Variants in MROH1 observed in about 807,000 individuals in gnomAD.
The protein encoded by MROH1 is maestro heat-like repeat-containing protein family member 1.
A neutral mutation model predicts 116.5 loss-of-function variants in MROH1; 117 were observed. That is an observed-to-expected ratio of 1.00 (90% CI 0.86 to 1.17). The LOEUF (loss-of-function observed/expected upper bound fraction) is 1.17. Ranked by LOEUF, MROH1 falls within the 50% of genes most tolerant of loss-of-function variation. MROH1 has a pLI of 0.00. For synonymous variants in MROH1, 921 were observed against 583.9 expected (o/e 1.58, Z -8.32); for missense variants, 1,873 against 1,338.5 (o/e 1.40, Z -6.23).
At chr8:144,177,675 G>A (rs1292516082) in intron 4 of MROH1, among the ~76,000 whole-genome samples, 1 of 152,168 alleles carries the variant, frequency 6.6e-6, no homozygotes, top group East Asian at 1.9e-4. Flanking sequence ...TGCTGGAGGT[G>A]GGGCCTGGTG....
intron 4 of MROH1, among the ~76,000 whole-genome samples, chr8:144,169,386 C>G (rs1277299623): frequency 6.6e-6 from 1 of 151,888 alleles, no homozygotes; most frequent in South Asian, 2.1e-4. Flanking sequence ...TCTCTCCTTT[C>G]TTCCTCTGTC....
At chr8:144,218,542 T>C (rs752510651) in intron 12 of MROH1, among the ~76,000 whole-genome samples, 9 of 151,510 alleles carry the variant, frequency 5.9e-5, no homozygotes, top group Admixed American at 6.6e-5. Context: ...TGGAATTCCC[T>C]GCACCCTTTG....
At chr8:144,186,061 T>C (rs1436399645) in intron 7 of MROH1, among the ~76,000 whole-genome samples, 2 of 151,594 alleles carry the variant, frequency 1.3e-5, no homozygotes, top group Admixed American at 6.6e-5. Context: ...CAGTGGGCTC[T>C]CTCCCAGTCC....
intron 31 of MROH1, 83 bp from the exon 32 acceptor site, chr8:144,248,794 G>A (rs1410681770): frequency 3.3e-5 from 24 of 729,366 alleles, no homozygotes; most frequent in Middle Eastern, 2.9e-4. Flanking sequence ...GCCCTAACGC[G>A]AGCCCCTGAG....
chr8:144,232,975 C>T (rs1839234124), intron 14 of MROH1, among the ~76,000 whole-genome samples: 2 of 151,814 alleles, frequency 1.3e-5, no homozygotes, highest in Non-Finnish European at 2.9e-5. Flanking sequence ...CACAGGTGGG[C>T]ACCACCACAC....
chr8:144,179,787 C>T (rs987790922), intron 5 of MROH1, among the ~76,000 whole-genome samples: 1 of 152,188 alleles, frequency 6.6e-6, no homozygotes, highest in African/African-American at 2.4e-5. Flanking sequence ...GCAACTGAAG[C>T]AGAGAGCAAG....
At chr8:144,165,588 T>G (rs1468832042) in intron 3 of MROH1, among the ~76,000 whole-genome samples, 1 of 151,942 alleles carries the variant, frequency 6.6e-6, no homozygotes, top group East Asian at 1.9e-4. Context: ...TTTGTGTGTG[T>G]TTTTGAGACT....
At chr8:144,224,738 G>T (rs542873387) in intron 14 of MROH1, among the ~76,000 whole-genome samples, 1 of 152,190 alleles carries the variant, frequency 6.6e-6, no homozygotes, top group African/African-American at 2.4e-5. Context: ...TGAGACAAGT[G>T]GGCCTTGGGG....
chr8:144,185,041 G>T (rs1483345608), intron 7 of MROH1, among the ~76,000 whole-genome samples: 1 of 152,224 alleles, frequency 6.6e-6, no homozygotes, highest in Admixed American at 6.5e-5. Flanking sequence ...CTGAGGAGGA[G>T]GGGGAGGCAG....
In MROH1 at chr8:144,178,210, C is replaced by T. The variant is rs577928820; in HGVS notation, c.169-1245C>T. ...GTGCAGTGGCGCGATCTCGGCTCTGCAACCTCTGCCTCCCGGGTTCAAGCG... is the reference window on the plus strand; with the variant it reads ...GTGCAGTGGCGCGATCTCGGCTCTGTAACCTCTGCCTCCCGGGTTCAAGCG... On this transcript the variant is annotated intron_variant, in intron 4 of 43. Transcript: ENST00000326134. Among the ~76,000 whole-genome samples, 26 of 152,034 alleles carry T rather than the reference C, an allele frequency of 1.7e-4. No homozygotes were observed. In the East Asian group the frequency reaches 4.6e-3, roughly 27 times the overall value.
chr8:144,197,652 G>A (rs927547837), intron 10 of MROH1, among the ~76,000 whole-genome samples: 2 of 149,670 alleles, frequency 1.3e-5, no homozygotes, highest in African/African-American at 4.9e-5. Context: ...AGCCAGGACG[G>A]TCTCCATCTC....
chr8:144,231,413 T>C (rs1228549602), intron 14 of MROH1, among the ~76,000 whole-genome samples: 1 of 152,166 alleles, frequency 6.6e-6, no homozygotes, highest in Admixed American at 6.6e-5. Flanking sequence ...GCCTCTGATT[T>C]AAAGTGAGAG....
intron 14 of MROH1, among the ~76,000 whole-genome samples, chr8:144,230,408 G>A (rs1381165021): frequency 6.6e-6 from 1 of 151,112 alleles, no homozygotes; most frequent in Non-Finnish European, 1.5e-5. Context: ...CTTTTCCTTT[G>A]TATTCACAAC....
At chr8:144,157,677 CT>C (rs1164415639) in intron 1 of MROH1, among the ~76,000 whole-genome samples, 17,300 of 117,934 alleles carry the variant, frequency 0.15, 1,007 homozygotes, top group African/African-American at 0.33. Flanking sequence ...TTCTTTCTTT[CT>C]TTTTTTTTTT....
Position 144,165,603 on chromosome 8 carries a change from CTTG to C in MROH1, c.22+1760_22+1762del, listed in dbSNP as rs552161755. Reference sequence around the variant, plus strand: ...TTTGTGTGTGTTTTTGAGACTGGGTCTTGTTGTGTCGCTTATGCTGGAGTGTGG... The same window carrying C: ...TTTGTGTGTGTTTTTGAGACTGGGTCTTGTGTCGCTTATGCTGGAGTGTGG... On this transcript the variant is annotated intron_variant, in intron 3 of 43. Transcript: ENST00000326134. Among the ~76,000 whole-genome samples, 995 of 152,032 alleles carry C rather than the reference CTTG, an allele frequency of 6.5e-3. 7 individuals carry two copies. The highest frequency in any genetic ancestry group is 0.023 in the African/African-American group (951 of 41,464).
chr8:144,191,359 C>T (rs1159700554), intron 8 of MROH1, among the ~76,000 whole-genome samples: 2 of 152,172 alleles, frequency 1.3e-5, no homozygotes, highest in Non-Finnish European at 2.9e-5. Context: ...TGTGAGCCAC[C>T]GTGCCTGGCC....
intron 10 of MROH1, among the ~76,000 whole-genome samples, chr8:144,197,496 C>T (rs1050671748): frequency 7.4e-5 from 9 of 122,236 alleles, no homozygotes; most frequent in Non-Finnish European, 1.1e-4. Flanking sequence ...AGTGCAGTGG[C>T]GCGATCTTGG....
intron 11 of MROH1, 40 bp from the exon 12 acceptor site, chr8:144,200,388 A>C (rs1324217892): frequency 1.4e-6 from 2 of 1,472,230 alleles, no homozygotes; most frequent in South Asian, 1.3e-5. Flanking sequence ...AGGGATGAAC[A>C]AGATGACATG....
chr8:144,257,222 T>C (rs1844039285), intron 35 of MROH1, among the ~76,000 whole-genome samples: 1 of 152,168 alleles, frequency 6.6e-6, no homozygotes. Flanking sequence ...ACTGGAACCA[T>C]GGGACTCCAG....
Sources: allele counts gnomAD v4.1 joint callset (sites outside exome capture counted in the v4.1 genomes callset), GRCh38; gene constraint gnomAD v4.1.1; transcripts MANE v1.5; gene names NCBI Gene and HGNC (gene_info 2026-07-23, HGNC 2026-07-21).